Variants in FXR1 observed in about 807,000 individuals in gnomAD.
FXR1 encodes the protein FMR1 autosomal homolog 1.
In FXR1, 15 loss-of-function variants were observed where a neutral mutation model predicts 84.0. The observed-to-expected ratio is 0.18, with a 90% confidence interval of 0.12 to 0.27. The LOEUF (loss-of-function observed/expected upper bound fraction) is 0.27. Ranked by LOEUF, FXR1 falls within the 10% of genes least tolerant of loss-of-function variation. The pLI is 1.00. For synonymous variants in FXR1, 245 were observed against 250.7 expected, an observed-to-expected ratio of 0.98 and a Z score of 0.21; for missense variants, 480 against 774.4, an observed-to-expected ratio of 0.62 and a Z score of 4.51.
At chr3:180,916,367 G>T (rs1416914576) in intron 1 of FXR1, among the ~76,000 whole-genome samples, 2 of 152,150 alleles carry the variant, frequency 1.3e-5, no homozygotes, top group Non-Finnish European at 2.9e-5. Context: ...ATTGCAATTT[G>T]TATGGCCTTG....
chr3:180,919,258 A>G (rs1042313700), intron 1 of FXR1, among the ~76,000 whole-genome samples: 1 of 150,944 alleles, frequency 6.6e-6, no homozygotes, highest in African/African-American at 2.4e-5. Context: ...AAAATGTGAA[A>G]CACCTAAATT....
At chr3:180,927,206 A>G (rs1719334675) in intron 1 of FXR1, among the ~76,000 whole-genome samples, 2 of 152,098 alleles carry the variant, frequency 1.3e-5, no homozygotes, top group African/African-American at 4.8e-5. Flanking sequence ...AAAGTATTTC[A>G]TCATTTGGTT....
intron 3 of FXR1, among the ~76,000 whole-genome samples, chr3:180,944,378 T>C (rs1376335772): frequency 6.6e-6 from 1 of 151,502 alleles, no homozygotes; most frequent in Non-Finnish European, 1.5e-5. Context: ...TAGAGTATAG[T>C]GGCATGATCA....
rs1390916340 is a variant in FXR1, at chr3:180,961,541, T to C, written c.1064T>C (p.Ile355Thr). ...GTGCAGGTTCTTCTAGAGTATCATATTGCCTATCTAAAGGTTTGTATACGG... is the reference window on the plus strand; with the variant it reads ...GTGCAGGTTCTTCTAGAGTATCATACTGCCTATCTAAAGGTTTGTATACGG... ...GNVQVLLEYHIAYLKEVEQLR... is the reference protein window; with the variant it reads ...GNVQVLLEYHTAYLKEVEQLR... The change falls in exon 11 of 17, where the codon ATT becomes ACT. Residue 355 changes from isoleucine to threonine, a missense_variant. By Grantham distance (89) the Ile-to-Thr change is moderately conservative. This residue lies in a region of FXR1 where 33 missense variants were observed against 42.4 expected (regional missense o/e 0.78). Transcript: ENST00000357559. 6.8e-7 allele frequency: 1 copy of C among 1,480,382 alleles called. No homozygotes were observed. Among genetic ancestry groups the C allele is most frequent in the African/African-American group, 1.4e-5 (1 of 72,468 alleles). 91.7% of individuals were successfully genotyped at this position (1,480,382 alleles called of 1,614,324 possible).
chr3:180,918,006 T>G lies in FXR1; in HGVS notation c.51+5270T>G, dbSNP rs115136515. 5.0e-3 allele frequency among the ~76,000 whole-genome samples: 755 copies of G among 151,224 alleles called. 4 individuals carry two copies. Among genetic ancestry groups the G allele is most frequent in the Middle Eastern group, 0.017 (5 of 292 alleles). On this transcript the variant is annotated intron_variant, in intron 1 of 16. Transcript: ENST00000357559. ...TGCATATATTTCTTGTAAAGTTTTG[T>G]GTTTTGTATTAGAAGAGCAACACAT...
chr3:180,952,425 C>G (rs1458464750), intron 8 of FXR1, among the ~76,000 whole-genome samples: 1 of 152,134 alleles, frequency 6.6e-6, no homozygotes, highest in Non-Finnish European at 1.5e-5. Flanking sequence ...GACACGGTGG[C>G]TCACGTCTGT....
chr3:180,926,506 A>ATATTTTTTT (rs72192827), intron 1 of FXR1, among the ~76,000 whole-genome samples: 27 of 124,354 alleles, frequency 2.2e-4, no homozygotes, highest in African/African-American at 4.6e-4. Context: ...ATATATATAT[A>ATATTTTTTT]TTTTTTTTTC....
At chr3:180,974,427 G>A (rs1468652766) in intron 15 of FXR1, among the ~76,000 whole-genome samples, 1 of 152,160 alleles carries the variant, frequency 6.6e-6, no homozygotes, top group African/African-American at 2.4e-5. Context: ...ACAGGTGTGA[G>A]CCACCATGCC....
At chr3:180,951,697 G>C (rs918479725) in intron 8 of FXR1, among the ~76,000 whole-genome samples, 5 of 152,120 alleles carry the variant, frequency 3.3e-5, no homozygotes, top group African/African-American at 7.2e-5. Context: ...TTTTATTGAG[G>C]TTTCTTAACC....
At chr3:180,933,986 C>T (rs1033503400) in intron 2 of FXR1, among the ~76,000 whole-genome samples, 10 of 151,328 alleles carry the variant, frequency 6.6e-5, no homozygotes, top group East Asian at 3.9e-4. Context: ...GGTGGGGGGG[C>T]GCCTGTAATT....
At chr3:180,923,141 G>A (rs939596663) in intron 1 of FXR1, among the ~76,000 whole-genome samples, 3 of 152,134 alleles carry the variant, frequency 2.0e-5, no homozygotes, top group African/African-American at 7.2e-5. Flanking sequence ...AGTTATGCTA[G>A]TGCCATGTAT....
In FXR1 at chr3:180,972,675, T is replaced by C. The variant is rs190202027; in HGVS notation, c.1603+2317T>C. ...GTTTGTTGGAGAAGAGGCAAAAATT[T>C]CTGTATGGTATTAATTGCAACTTGA... On this transcript the variant is annotated intron_variant, in intron 15 of 16. Transcript: ENST00000357559. Among the ~76,000 whole-genome samples the C allele has an allele frequency of 2.3e-3, 353 of 152,282 alleles. 3 individuals carry two copies. The highest frequency in any genetic ancestry group is 0.013 in the South Asian group (64 of 4,830).
intron 1 of FXR1, chr3:180,915,750 C>A: frequency 1.5e-6 from 1 of 665,134 alleles, no homozygotes; most frequent in South Asian, 1.6e-5. Flanking sequence ...TGCCTTGAGG[C>A]AGTACTCTGT....
At chr3:180,954,515 T>C (rs1448346418) in intron 9 of FXR1, among the ~76,000 whole-genome samples, 1 of 152,214 alleles carries the variant, frequency 6.6e-6, no homozygotes, top group African/African-American at 2.4e-5. Context: ...AGCTCTGTTA[T>C]TAATATGCAC....
intron 9 of FXR1, among the ~76,000 whole-genome samples, chr3:180,956,668 C>T (rs954234529): frequency 2.0e-5 from 3 of 151,812 alleles, no homozygotes; most frequent in Non-Finnish European, 4.4e-5. Context: ...AGAGAAGATA[C>T]ACGTCATGTG....
At chr3:180,961,361 A>G (rs1389297912) in intron 10 of FXR1, 107 bp from the exon 11 acceptor site, 2 of 417,456 alleles carry the variant, frequency 4.8e-6, no homozygotes, top group African/African-American at 6.8e-5. Context: ...AAAAAAAAAA[A>G]AAAAAAGGTG....
At chr3:180,956,709 C>T (rs78994631) in intron 9 of FXR1, among the ~76,000 whole-genome samples, 2 of 150,120 alleles carry the variant, frequency 1.3e-5, no homozygotes, top group African/African-American at 2.5e-5. Context: ...TTTTTTTTAA[C>T]ATGTTCAATT....
intron 8 of FXR1, among the ~76,000 whole-genome samples, chr3:180,953,045 G>A (rs1273325090): frequency 2.0e-5 from 3 of 152,020 alleles, no homozygotes; most frequent in African/African-American, 7.2e-5. Flanking sequence ...GGTTTCCTAT[G>A]TTGCCCAGGC....
intron 1 of FXR1, among the ~76,000 whole-genome samples, chr3:180,920,551 G>A (rs1296659696): frequency 7.4e-6 from 1 of 134,834 alleles, no homozygotes; most frequent in Non-Finnish European, 1.6e-5. Flanking sequence ...TAGCTCTGTT[G>A]CCCAGGTTGG....
Sources: allele counts gnomAD v4.1 joint callset (sites outside exome capture counted in the v4.1 genomes callset), GRCh38; gene constraint gnomAD v4.1.1; regional missense constraint gnomAD v4.1.1; transcripts MANE v1.5; gene names NCBI Gene and HGNC (gene_info 2026-07-23, HGNC 2026-07-21).